FAM199X: variants seen among roughly 807,000 people sequenced by gnomAD.
FAM199X encodes the protein protein FAM199X.
In FAM199X, 4 loss-of-function variants were observed where a neutral mutation model predicts 22.9. The ratio of observed to expected loss-of-function variants is 0.17; its 90% CI spans 0.09 to 0.40. The LOEUF (loss-of-function observed/expected upper bound fraction) is 0.40. FAM199X is among the 10% of genes least tolerant of loss of function. FAM199X has a pLI of 1.00. For synonymous variants in FAM199X, 101 were observed against 112.3 expected (o/e 0.90, Z 0.64); for missense variants, 183 against 306.8 (o/e 0.60, Z 3.01).
upstream of FAM199X, among the ~76,000 whole-genome samples, chrX:104,163,976 CTTT>C (rs1201517253): frequency 1.8e-5 from 2 of 110,369 alleles, no homozygotes; most frequent in Non-Finnish European, 3.8e-5. Flanking sequence ...CCTGGGACCT[CTTT>C]TTTTTTAAAA....
At chrX:104,177,061 C>T (rs374044268) in intron 2 of FAM199X, among the ~76,000 whole-genome samples, 3 of 111,257 alleles carry the variant, frequency 2.7e-5, no homozygotes, top group Non-Finnish European at 3.8e-5. Context: ...CAGCCATCAC[C>T]GCTAATTCCA....
chrX:104,166,784 C>G lies in FAM199X; in HGVS notation c.-2C>G, dbSNP rs782082661. Reference sequence around the variant, plus strand: ...GGAGCCCGAGCCAGGCCATCTCCAACCATGTCCGACGAGGCCTCGGCCATC... The same window carrying G: ...GGAGCCCGAGCCAGGCCATCTCCAAGCATGTCCGACGAGGCCTCGGCCATC... On this transcript the variant is annotated 5_prime_UTR_variant, in exon 1 of 6. Transcript: ENST00000493442. 7 of 1,199,667 alleles carry G rather than the reference C, an allele frequency of 5.8e-6. No homozygotes were observed.
chrX:104,187,759 T>G (rs1034978873), intron 4 of FAM199X, among the ~76,000 whole-genome samples: 1 of 112,049 alleles, frequency 8.9e-6, no homozygotes, highest in Non-Finnish European at 1.9e-5. Flanking sequence ...TTGAATGCCA[T>G]TTTTTTACAG....
chrX:104,172,239 CAAAA>C (rs782684130), intron 1 of FAM199X, among the ~76,000 whole-genome samples: 3 of 63,760 alleles, frequency 4.7e-5, no homozygotes, highest in East Asian at 9.0e-4. Flanking sequence ...CTTTCTCTTC[CAAAA>C]AAAAAAAAAA....
chrX:104,181,551 A>G (rs1439537584), intron 2 of FAM199X, among the ~76,000 whole-genome samples: 1 of 112,270 alleles, frequency 8.9e-6, no homozygotes, highest in East Asian at 2.8e-4. Flanking sequence ...GCTTAGTGAC[A>G]TGTCTTACAA....
In FAM199X at chrX:104,166,890, C is replaced by T. The variant is rs782345485; in HGVS notation, c.105C>T (p.Ser35=). 8.3e-7 allele frequency: 1 copy of T among 1,203,760 alleles called. No homozygotes were observed. Among genetic ancestry groups the T allele is most frequent in the South Asian group, 1.8e-5 (1 of 56,272 alleles). Residue 35 remains serine (S), a synonymous_variant, in exon 1 of 6, where the codon AGC becomes AGT. Transcript: ENST00000493442. ...GPPRGVGTCP[S]EEPGCLDISD... ...CTCGCGGGGTGGGCACCTGCCCGAG[C>T]GAGGAGCCGGGCTGCCTGGACATCA... is the stretch of plus-strand genomic sequence containing the variant.
rs782548225 is a variant in FAM199X at position 104,193,141 on chromosome X, A to G, written c.*3363A>G. On this transcript the variant is annotated 3_prime_UTR_variant, in exon 6 of 6. Transcript: ENST00000493442. ...CTTTTCAAAACTCAAAAACAATCCA[A>G]ATGTTGTAATTTGTTTTGCATAATG... The G allele has an allele frequency of 4.5e-5, 5 of 111,614 alleles. No homozygotes were observed. The South Asian group carries it at 1.5e-3, about 33-fold the overall frequency. 9.2% of individuals were successfully genotyped at this position (111,614 alleles called of 1,213,427 possible).
At chrX:104,178,271 A>G (rs1921544863) in intron 2 of FAM199X, among the ~76,000 whole-genome samples, 1 of 110,585 alleles carries the variant, frequency 9.0e-6, no homozygotes, top group Non-Finnish European at 1.9e-5. Flanking sequence ...GGCTCATGCC[A>G]TTCTCCTGCC....
intron 1 of FAM199X, among the ~76,000 whole-genome samples, chrX:104,170,308 A>C (rs782361246): frequency 1.5e-3 from 166 of 112,252 alleles, no homozygotes; most frequent in African/African-American, 4.9e-3. Flanking sequence ...GAGGTGCAGA[A>C]GAGCTGTGGG....
At chrX:104,164,085 G>A (rs1921097964), upstream of FAM199X, among the ~76,000 whole-genome samples, 1 of 112,492 alleles carries the variant, frequency 8.9e-6, no homozygotes, top group African/African-American at 3.2e-5. Context: ...TAAAGCTCTT[G>A]TACAAATGTA....
chrX:104,174,868 CCTTT>C (rs1372873573), intron 1 of FAM199X, among the ~76,000 whole-genome samples: 16 of 111,642 alleles, frequency 1.4e-4, no homozygotes, highest in Non-Finnish European at 2.1e-4. Flanking sequence ...ATTATTCATT[CCTTT>C]CTTTCCAACA....
At position 104,186,104 on chromosome X, in the gene FAM199X, T is replaced by G. The variant is rs200779428; in HGVS notation, c.456T>G (p.Leu152=). 7 of 1,209,143 alleles carry G rather than the reference T, an allele frequency of 5.8e-6. No homozygotes were observed. The Admixed American group carries it at 1.5e-4, about 26-fold the overall frequency. The change falls in exon 3 of 6, where the codon CTT becomes CTG. Residue 152 remains leucine (L), a synonymous_variant. Transcript: ENST00000493442. ...GSDIASGSDV[L]SDVIPSIPSS... is the part of the protein sequence containing the mutation. ...ACATTGCCAGTGGGAGTGATGTACTTTCTGATGTCATACCCAGTATTCCAA... is the reference window on the plus strand; with the variant it reads ...ACATTGCCAGTGGGAGTGATGTACTGTCTGATGTCATACCCAGTATTCCAA...
At chrX:104,164,055 CATT>C (rs781827080), upstream of FAM199X, among the ~76,000 whole-genome samples, 1 of 112,339 alleles carries the variant, frequency 8.9e-6, no homozygotes, top group East Asian at 2.8e-4. Flanking sequence ...TGTAAACAAA[CATT>C]AAATTCTACA....
intron 2 of FAM199X, among the ~76,000 whole-genome samples, chrX:104,185,013 C>T (rs1228857320): frequency 1.9e-5 from 2 of 105,154 alleles, no homozygotes; most frequent in Non-Finnish European, 3.9e-5. Flanking sequence ...TGGGCCCAAG[C>T]GATCCTCCCA....
At position 104,166,662 on chromosome X, in the gene FAM199X, C is replaced by T. The variant is rs1921199275; in HGVS notation, c.-124C>T. The T allele has an allele frequency of 1.7e-6, 1 of 595,390 alleles. No individual in the cohort carries two copies. 49.1% of individuals were successfully genotyped at this position (595,390 alleles called of 1,213,427 possible). A position where few individuals can be genotyped will look rare whatever the true frequency, so the allele number is the denominator to read the frequency against. On this transcript the variant is annotated 5_prime_UTR_variant, in exon 1 of 6. Transcript: ENST00000493442. Reference sequence around the variant, plus strand: ...CAGCGGGCCGCGACGCCCAGCCTGCCAGTGAGCTGCGACGGGCACACCCCG... The same window carrying T: ...CAGCGGGCCGCGACGCCCAGCCTGCTAGTGAGCTGCGACGGGCACACCCCG...
At position 104,191,425 on chromosome X, in the gene FAM199X, CAT is replaced by C. The variant is rs1245921153; in HGVS notation, c.*1650_*1651del. 2 of 111,832 alleles carry C rather than the reference CAT, an allele frequency of 1.8e-5. No individual in the cohort carries two copies. The highest frequency in any genetic ancestry group is 3.2e-5 in the African/African-American group (1 of 30,833). 9.2% of individuals were successfully genotyped at this position (111,832 alleles called of 1,213,427 possible). ...ATTTGAAATTTTTACTAAAATAAAA[CAT>C]ATGTGTCTATGGTTTTCAATTGGAG... On this transcript the variant is annotated 3_prime_UTR_variant, in exon 6 of 6. Coordinates refer to ENST00000493442, the MANE Select transcript of FAM199X (RefSeq NM_207318.4).
At chrX:104,174,283 C>T (rs1213387946) in intron 1 of FAM199X, among the ~76,000 whole-genome samples, 1 of 110,504 alleles carries the variant, frequency 9.0e-6, no homozygotes, top group African/African-American at 3.3e-5. Flanking sequence ...ACTCCAGCCT[C>T]AATGAGAGAA....
Position 104,194,794 on chromosome X carries a change from A to G in FAM199X, c.*5016A>G, listed in dbSNP as rs1922018965. The G allele has an allele frequency of 8.9e-6, 1 of 111,833 alleles. No individual in the cohort carries two copies. Among genetic ancestry groups the G allele is most frequent in the African/African-American group, 3.2e-5 (1 of 30,909 alleles). The allele number at this position is 111,833 out of a possible 1,213,427, so 9.2% of individuals were successfully genotyped here. On this transcript the variant is annotated 3_prime_UTR_variant, in exon 6 of 6. Coordinates refer to ENST00000493442, the MANE Select transcript of FAM199X (RefSeq NM_207318.4). Reference sequence around the variant, plus strand: ...TTCAAAGATTAGTTATGTAGCAGCAATATCATAACCAAAGCAAGTAGGAAG... The same window carrying G: ...TTCAAAGATTAGTTATGTAGCAGCAGTATCATAACCAAAGCAAGTAGGAAG...
At position 104,191,942 on chromosome X, in the gene FAM199X, A is replaced by G. The variant is rs1921951491; in HGVS notation, c.*2164A>G. ...AACGTTTGTAAAGGTTTGAATGTTT[A>G]TAGAAGTGCATCATGAAATTTTGTG... On this transcript the variant is annotated 3_prime_UTR_variant, in exon 6 of 6. Transcript: ENST00000493442. 8.9e-6 allele frequency: 1 copy of G among 112,348 alleles called. No individual in the cohort carries two copies. The allele number at this position is 112,348 out of a possible 1,213,427, so 9.3% of individuals were successfully genotyped here. A position where few individuals can be genotyped will look rare whatever the true frequency, so the allele number is the denominator to read the frequency against.
Sources: gnomAD v4.1 joint callset for allele counts (sites outside exome capture counted in the v4.1 genomes callset) on GRCh38, gnomAD v4.1.1 for gene constraint, MANE v1.5 for transcripts, NCBI Gene and HGNC (gene_info 2026-07-23, HGNC 2026-07-21) for gene names.